Variants in FER observed in about 807,000 individuals in gnomAD.
The protein encoded by FER is FER tyrosine kinase.
In FER, 63 loss-of-function variants were observed where a neutral mutation model predicts 111.0. The ratio of observed to expected loss-of-function variants is 0.57; its 90% CI spans 0.46 to 0.70. The LOEUF (loss-of-function observed/expected upper bound fraction) is 0.70. Among genes scored for constraint, FER ranks in the 30% least tolerant of loss-of-function variants. The pLI is 0.00. For synonymous variants in FER, 327 were observed against 313.9 expected (o/e 1.04, Z -0.44); for missense variants, 914 against 954.0 (o/e 0.96, Z 0.55).
At chr5:109,011,899 G>A (rs1020249136) in intron 13 of FER, among the ~76,000 whole-genome samples, 3 of 152,032 alleles carry the variant, frequency 2.0e-5, no homozygotes, top group African/African-American at 7.2e-5. Flanking sequence ...CCTTTCTTTA[G>A]CCTCTGTTTC....
intron 16 of FER, among the ~76,000 whole-genome samples, chr5:109,079,462 A>G (rs1167396663): frequency 2.0e-5 from 3 of 152,174 alleles, no homozygotes; most frequent in Non-Finnish European, 2.9e-5. Flanking sequence ...TTCTTTCATC[A>G]TAAGTCTGAC....
At chr5:108,750,378 G>A (rs577401918) in intron 1 of FER, among the ~76,000 whole-genome samples, 200 of 152,252 alleles carry the variant, frequency 1.3e-3, no homozygotes, top group African/African-American at 4.3e-3. Flanking sequence ...TTTGTCAGTC[G>A]GGAAAGCAGA....
At chr5:109,149,163 A>G (rs1390208072) in intron 17 of FER, among the ~76,000 whole-genome samples, 1 of 152,156 alleles carries the variant, frequency 6.6e-6, no homozygotes, top group Non-Finnish European at 1.5e-5. Context: ...TTCTGTGACC[A>G]TATGTGTAAC....
intron 13 of FER, among the ~76,000 whole-genome samples, chr5:109,023,446 G>T (rs1041277430): frequency 4.6e-5 from 7 of 152,148 alleles, no homozygotes; most frequent in African/African-American, 1.7e-4. Context: ...TTGAACTCAG[G>T]GGAACAATGT....
intron 13 of FER, among the ~76,000 whole-genome samples, chr5:108,974,551 G>A (rs1197836325): frequency 6.6e-6 from 1 of 152,172 alleles, no homozygotes; most frequent in Non-Finnish European, 1.5e-5. Flanking sequence ...CCCCAAATAT[G>A]TCTACACCCT....
intron 5 of FER, among the ~76,000 whole-genome samples, chr5:108,849,902 A>G (rs1009832401): frequency 1.1e-4 from 17 of 152,142 alleles, no homozygotes; most frequent in Admixed American, 5.9e-4. Flanking sequence ...TAAAAATCAC[A>G]TTATTAGGGC....
chr5:108,830,880 G>T (rs1463507019), intron 3 of FER: 1 of 152,182 alleles, frequency 6.6e-6, no homozygotes, highest in African/African-American at 2.4e-5. Flanking sequence ...AAGATGAATG[G>T]AAAGTTCTGA....
chr5:109,037,619 T>A, intron 14 of FER, 141 bp downstream of exon 14: 1 of 578,240 alleles, frequency 1.7e-6, no homozygotes, highest in Non-Finnish European at 3.0e-6. Context: ...CTATATCTTC[T>A]CAATATTGTG....
At chr5:108,840,008 T>TA (rs543559015) in intron 5 of FER, among the ~76,000 whole-genome samples, 5 of 151,582 alleles carry the variant, frequency 3.3e-5, no homozygotes, top group East Asian at 1.9e-4. Flanking sequence ...TTCCAACCTT[T>TA]AAAAAAAAAT....
intron 17 of FER, among the ~76,000 whole-genome samples, chr5:109,117,626 C>G (rs918558291): frequency 3.3e-5 from 5 of 151,976 alleles, no homozygotes; most frequent in African/African-American, 1.2e-4. Context: ...GATATTGATT[C>G]TTCCTACCCA....
intron 2 of FER, among the ~76,000 whole-genome samples, chr5:108,770,044 G>A (rs1752726087): frequency 6.6e-6 from 1 of 152,268 alleles, no homozygotes; most frequent in South Asian, 2.1e-4. Context: ...CACCTCTTGA[G>A]TTCAAGCGAT....
chr5:108,948,761 A>G (rs1455548152), intron 11 of FER, among the ~76,000 whole-genome samples: 10 of 152,120 alleles, frequency 6.6e-5, no homozygotes, highest in Non-Finnish European at 1.2e-4. Flanking sequence ...TGGCTGAGCA[A>G]ATCGCTTGTT....
intron 2 of FER, among the ~76,000 whole-genome samples, chr5:108,787,798 CA>C (rs1327491814): frequency 6.6e-6 from 1 of 152,116 alleles, no homozygotes; most frequent in Non-Finnish European, 1.5e-5. Flanking sequence ...CTGAGTTGGG[CA>C]CACATTGGGA....
intron 1 of FER, among the ~76,000 whole-genome samples, chr5:108,756,927 C>A (rs1296045097): frequency 6.6e-6 from 1 of 152,146 alleles, no homozygotes; most frequent in African/African-American, 2.4e-5. Flanking sequence ...GGGGCACTAA[C>A]ATTTCTTTAG....
intron 8 of FER, among the ~76,000 whole-genome samples, chr5:108,872,930 C>T (rs1764738596): frequency 6.6e-6 from 1 of 152,102 alleles, no homozygotes; most frequent in Admixed American, 6.5e-5. Context: ...AATGATTATG[C>T]ACTCATTGCT....
At chr5:109,065,246 A>C (rs1321820404) in intron 16 of FER, among the ~76,000 whole-genome samples, 1 of 152,180 alleles carries the variant, frequency 6.6e-6, no homozygotes, top group African/African-American at 2.4e-5. Flanking sequence ...CCAAGATTAA[A>C]AGACAACTGA....
chr5:108,891,431 ATT>A (rs1748030762), intron 9 of FER: 1 of 152,030 alleles, frequency 6.6e-6, no homozygotes, highest in African/African-American at 2.4e-5. Flanking sequence ...AAAGAAGTCC[ATT>A]TTAGGCTGGT....
At position 109,187,702 on chromosome 5, in the gene FER, C is replaced by T. The variant is rs1759037266; in HGVS notation, c.*127C>T. ...GTCTTCTACCATTATTTTTTATTAA[C>T]TGGGTGTTTTAAAAGTACGTTCCAC... On this transcript the variant is annotated 3_prime_UTR_variant, in exon 20 of 20. Transcript: ENST00000281092. The T allele has an allele frequency of 8.3e-7, 1 of 1,202,696 alleles. No homozygotes were observed. Among genetic ancestry groups the T allele is most frequent in the African/African-American group, 1.5e-5 (1 of 64,554 alleles). The allele number at this position is 1,202,696 out of a possible 1,614,324, so 74.5% of individuals were successfully genotyped here. A position where few individuals can be genotyped will look rare whatever the true frequency, so the allele number is the denominator to read the frequency against.
intron 6 of FER, among the ~76,000 whole-genome samples, chr5:108,869,564 A>G (rs1018686396): frequency 2.6e-5 from 4 of 152,142 alleles, no homozygotes; most frequent in African/African-American, 9.6e-5. Context: ...GAGGAAGGAC[A>G]GAGAGAGACA....
Sources: gnomAD v4.1 joint callset for allele counts (sites outside exome capture counted in the v4.1 genomes callset) on GRCh38, gnomAD v4.1.1 for gene constraint, MANE v1.5 for transcripts, NCBI Gene and HGNC (gene_info 2026-07-23, HGNC 2026-07-21) for gene names.